The following ROR1 variants were observed in gnomAD, a reference collection of about 807,000 sequenced individuals.
The protein encoded by ROR1 is ROR family WNT receptor 1.
In ROR1, 19 loss-of-function variants were observed where a neutral mutation model predicts 78.8. The ratio of observed to expected loss-of-function variants is 0.24; its 90% CI spans 0.17 to 0.35. The LOEUF is 0.35. Ranked by LOEUF, ROR1 falls within the 10% of genes least tolerant of loss-of-function variation. The pLI, the probability that ROR1 is intolerant of heterozygous loss-of-function variation, is 1.00. For synonymous variants in ROR1, 386 were observed against 433.6 expected (o/e 0.89, Z 1.36); for missense variants, 917 against 1,177.8 (o/e 0.78, Z 3.24).
At chr1:63,944,936 G>T (rs1479300809) in intron 1 of ROR1, among the ~76,000 whole-genome samples, 1 of 152,076 alleles carries the variant, frequency 6.6e-6, no homozygotes, top group Non-Finnish European at 1.5e-5. Context: ...AACCTCTCTT[G>T]CATATTAAAA....
At chr1:64,016,572 T>C (rs917951019) in intron 2 of ROR1, among the ~76,000 whole-genome samples, 3 of 152,066 alleles carry the variant, frequency 2.0e-5, no homozygotes, top group African/African-American at 2.4e-5. Context: ...CTTAGGTAAA[T>C]GTAACCTGTT....
intron 4 of ROR1, 102 bp from the exon 5 acceptor site, chr1:64,137,250 TTGTATATTGTGCCCAAC>T: frequency 3.0e-6 from 3 of 1,007,272 alleles, no homozygotes; most frequent in Non-Finnish European, 4.3e-6. Flanking sequence ...GCCCAGTCTT[TTGTATATTGTGCCCAAC>T]TGTGCCCCCT....
intron 2 of ROR1, among the ~76,000 whole-genome samples, chr1:64,032,383 TG>T: frequency 6.6e-6 from 1 of 150,850 alleles, no homozygotes; most frequent in African/African-American, 2.4e-5. Context: ...CAAAATATGT[TG>T]TTCCTGCATG....
chr1:64,061,946 G>C lies in ROR1; in HGVS notation c.482+11230G>C, dbSNP rs146660722. 5.2e-3 allele frequency among the ~76,000 whole-genome samples: 787 copies of C among 152,186 alleles called. 10 individuals are homozygous for C. The highest frequency in any genetic ancestry group is 0.018 in the African/African-American group (752 of 41,504). On this transcript the variant is annotated intron_variant, in intron 4 of 8. Transcript: ENST00000371079. ...AGGTGTTAATCACCCTCTTTTATCT[G>C]TCAGGCGCTTCTATCCTGTGCATTC...
At chr1:64,170,790 T>C (rs997684756) in intron 8 of ROR1, among the ~76,000 whole-genome samples, 2 of 152,144 alleles carry the variant, frequency 1.3e-5, no homozygotes, top group Non-Finnish European at 2.9e-5. Flanking sequence ...CCCTAAATCA[T>C]CTCTCTCAAG....
intron 1 of ROR1, among the ~76,000 whole-genome samples, chr1:63,944,416 A>G (rs1645866503): frequency 6.6e-6 from 1 of 152,238 alleles, no homozygotes; most frequent in African/African-American, 2.4e-5. Context: ...ATGGGCCCAC[A>G]GCATTTTCAT....
At chr1:64,168,091 T>C (rs1389945837) in intron 8 of ROR1, among the ~76,000 whole-genome samples, 1 of 152,222 alleles carries the variant, frequency 6.6e-6, no homozygotes, top group Non-Finnish European at 1.5e-5. Context: ...AGTCGTAATA[T>C]GAATCTCACA....
chr1:64,123,539 A>C (rs1330905975), intron 4 of ROR1, among the ~76,000 whole-genome samples: 3 of 152,202 alleles, frequency 2.0e-5, no homozygotes, highest in Non-Finnish European at 4.4e-5. Context: ...GTTTTCATCT[A>C]ATAAAGAATA....
intron 1 of ROR1, among the ~76,000 whole-genome samples, chr1:63,917,660 T>C (rs1225270584): frequency 2.6e-5 from 4 of 152,098 alleles, no homozygotes; most frequent in Non-Finnish European, 5.9e-5. Flanking sequence ...GAGTATATGA[T>C]GAGAAATCAA....
intron 2 of ROR1, among the ~76,000 whole-genome samples, chr1:64,031,557 G>A (rs1363376432): frequency 2.0e-5 from 3 of 152,232 alleles, no homozygotes; most frequent in African/African-American, 7.2e-5. Flanking sequence ...CAGACCAGAA[G>A]AGTCTCTTCA....
intron 4 of ROR1, among the ~76,000 whole-genome samples, chr1:64,078,179 T>C (rs987654001): frequency 2.6e-5 from 4 of 152,232 alleles, no homozygotes; most frequent in Non-Finnish European, 4.4e-5. Context: ...CATTTAATTC[T>C]TAAAACACAG....
intron 1 of ROR1, among the ~76,000 whole-genome samples, chr1:63,942,889 A>C (rs971060493): frequency 1.3e-5 from 2 of 152,100 alleles, no homozygotes; most frequent in African/African-American, 4.8e-5. Context: ...CAGGAGTTCG[A>C]GAGCAGCCTG....
chr1:64,124,571 C>T (rs1455526437), intron 4 of ROR1, among the ~76,000 whole-genome samples: 1 of 152,164 alleles, frequency 6.6e-6, no homozygotes, highest in Non-Finnish European at 1.5e-5. Flanking sequence ...CCAAACTGAG[C>T]AAGAAGTGCA....
At chr1:64,123,598 A>C (rs1337434838) in intron 4 of ROR1, among the ~76,000 whole-genome samples, 1 of 152,234 alleles carries the variant, frequency 6.6e-6, no homozygotes, top group Non-Finnish European at 1.5e-5. Context: ...ATGTACAAAC[A>C]GTTCATGTAA....
In ROR1 at chr1:64,179,998, A is replaced by G. The variant is rs971567413; in HGVS notation, c.*1143A>G. 1 of 152,236 alleles carries G rather than the reference A, an allele frequency of 6.6e-6. No homozygotes were observed. Among genetic ancestry groups the G allele is most frequent in the African/African-American group, 2.4e-5 (1 of 41,466 alleles). 9.4% of individuals were successfully genotyped at this position (152,236 alleles called of 1,614,324 possible). On this transcript the variant is annotated 3_prime_UTR_variant, in exon 9 of 9. Coordinates refer to ENST00000371079, the MANE Select transcript of ROR1 (RefSeq NM_005012.4). The stretch of plus-strand genomic sequence containing the variant: ...ATTACAACAATGTATTCATACAGTC[A>G]GTTGGAATCCAAAGGCAATTAATTC...
intron 1 of ROR1, among the ~76,000 whole-genome samples, chr1:63,787,365 C>T (rs1260633889): frequency 1.3e-5 from 2 of 152,088 alleles, no homozygotes; most frequent in Non-Finnish European, 2.9e-5. Context: ...ACTGTGGACC[C>T]AGCACCTGGC....
chr1:63,866,765 A>G (rs1645218017), intron 1 of ROR1, among the ~76,000 whole-genome samples: 2 of 152,218 alleles, frequency 1.3e-5, no homozygotes, highest in South Asian at 4.1e-4. Context: ...GGCTTTATAG[A>G]GAAGCTTTGG....
intron 1 of ROR1, among the ~76,000 whole-genome samples, chr1:63,834,984 G>A (rs575212096): frequency 1.3e-5 from 2 of 152,094 alleles, no homozygotes; most frequent in Admixed American, 1.3e-4. Flanking sequence ...GGGGCGGTTG[G>A]CCCCACTGGT....
chr1:63,800,447 C>T (rs1008062584), intron 1 of ROR1, among the ~76,000 whole-genome samples: 1 of 152,122 alleles, frequency 6.6e-6, no homozygotes, highest in Non-Finnish European at 1.5e-5. Flanking sequence ...GATGTGATAC[C>T]TGGAGTTCTT....
Sources: gnomAD v4.1 joint callset for allele counts (sites outside exome capture counted in the v4.1 genomes callset) on GRCh38, gnomAD v4.1.1 for gene constraint, MANE v1.5 for transcripts, NCBI Gene and HGNC (gene_info 2026-07-23, HGNC 2026-07-21) for gene names.